The following KCNQ5 variants were observed in gnomAD, a reference collection of about 807,000 sequenced individuals.
KCNQ5 encodes the protein potassium voltage-gated channel subfamily Q member 5.
KCNQ5 carries 30 observed loss-of-function variants against 98.2 expected under a neutral mutation model. The ratio of observed to expected loss-of-function variants is 0.31; its 90% CI spans 0.23 to 0.41. The LOEUF is 0.41. Among genes scored for constraint, KCNQ5 ranks in the 10% least tolerant of loss-of-function variants. The probability of loss-of-function intolerance (pLI) is 1.00; values close to 1 mark genes in which losing one functional copy is unlikely to be tolerated. For synonymous variants in KCNQ5, 458 were observed against 449.4 expected (o/e 1.02, Z -0.24); for missense variants, 835 against 1,182.5 (o/e 0.71, Z 4.31).
intron 3 of KCNQ5, among the ~76,000 whole-genome samples, chr6:73,050,325 A>C (rs1370826077): frequency 7.0e-6 from 1 of 142,394 alleles, no homozygotes; most frequent in Admixed American, 7.0e-5. Context: ...GGAAGAAGGA[A>C]GGAAGGGAGG....
chr6:72,841,130 T>C (rs1445068081), intron 1 of KCNQ5, among the ~76,000 whole-genome samples: 1 of 152,214 alleles, frequency 6.6e-6, no homozygotes, highest in African/African-American at 2.4e-5. Context: ...CTGCCATGAC[T>C]GCAAGCTAAA....
chr6:72,899,513 T>G (rs928717324), intron 1 of KCNQ5, among the ~76,000 whole-genome samples: 1 of 152,212 alleles, frequency 6.6e-6, no homozygotes, highest in African/African-American at 2.4e-5. Flanking sequence ...TATACACACA[T>G]TCTGCACTGT....
intron 11 of KCNQ5, among the ~76,000 whole-genome samples, chr6:73,171,819 C>T (rs1454898345): frequency 6.6e-6 from 1 of 152,158 alleles, no homozygotes; most frequent in African/African-American, 2.4e-5. Context: ...ATCTGACTTG[C>T]AACAAGTATG....
At chr6:72,895,283 G>A (rs965744600) in intron 1 of KCNQ5, among the ~76,000 whole-genome samples, 2 of 148,372 alleles carry the variant, frequency 1.3e-5, no homozygotes, top group African/African-American at 5.0e-5. Flanking sequence ...AGCGAGACTC[G>A]GTCTCAAAAA....
At chr6:73,021,660 C>G (rs552525257) in intron 2 of KCNQ5, among the ~76,000 whole-genome samples, 1 of 152,274 alleles carries the variant, frequency 6.6e-6, no homozygotes, top group South Asian at 2.1e-4. Flanking sequence ...TGAGTAGATT[C>G]AGGTTTTTCT....
At chr6:73,077,565 A>T in intron 4 of KCNQ5, 68 bp downstream of exon 4, 9 of 1,477,820 alleles carry the variant, frequency 6.1e-6, no homozygotes, top group Non-Finnish European at 8.2e-6. Flanking sequence ...TGTAATAGTT[A>T]ATAAACCTGT....
At chr6:72,985,853 T>G (rs975423866) in intron 1 of KCNQ5, among the ~76,000 whole-genome samples, 1 of 152,166 alleles carries the variant, frequency 6.6e-6, no homozygotes, top group Non-Finnish European at 1.5e-5. Context: ...AAAAGACATA[T>G]GTACTCCTGT....
rs983606622 is a variant in KCNQ5 at position 72,933,504 on chromosome 6, C to T, written c.399-70404C>T. Among the ~76,000 whole-genome samples the T allele has an allele frequency of 2.6e-4, 40 of 152,134 alleles. 1 individual carries two copies. Among genetic ancestry groups the T allele is most frequent in the African/African-American group, 8.2e-4 (34 of 41,422 alleles). ...ATTTGCACCTTGCTTCTAACCATAT[C>T]GTGTTTGCTCAGTCTCTGCTCTGAG... On this transcript the variant is annotated intron_variant, in intron 1 of 13. Transcript: ENST00000370398.
intron 3 of KCNQ5, among the ~76,000 whole-genome samples, chr6:73,046,818 T>C (rs1358282307): frequency 1.3e-5 from 2 of 152,004 alleles, no homozygotes; most frequent in Non-Finnish European, 2.9e-5. Flanking sequence ...AATTTTTGCA[T>C]TTTTAGTAGA....
At chr6:72,653,653 T>C (rs1765989963) in intron 1 of KCNQ5, among the ~76,000 whole-genome samples, 1 of 152,104 alleles carries the variant, frequency 6.6e-6, no homozygotes, top group Admixed American at 6.6e-5. Context: ...AAATACTAAT[T>C]CATGTTGTTA....
chr6:72,650,393 C>T (rs1254097410), intron 1 of KCNQ5, among the ~76,000 whole-genome samples: 1 of 152,024 alleles, frequency 6.6e-6, no homozygotes, highest in Non-Finnish European at 1.5e-5. Context: ...ATTTCAAATA[C>T]CTTGAAATGT....
intron 1 of KCNQ5, among the ~76,000 whole-genome samples, chr6:72,709,170 C>A (rs1769236117): frequency 6.6e-6 from 1 of 152,116 alleles, no homozygotes. Flanking sequence ...TTTTAAGATT[C>A]TCTAAAAATG....
intron 1 of KCNQ5, among the ~76,000 whole-genome samples, chr6:72,695,166 A>C (rs1386635436): frequency 1.3e-5 from 2 of 152,146 alleles, no homozygotes; most frequent in African/African-American, 4.8e-5. Context: ...TTAGTGCTGC[A>C]TTGTACATAT....
chr6:73,000,026 G>A (rs575149129), intron 1 of KCNQ5, among the ~76,000 whole-genome samples: 17 of 152,034 alleles, frequency 1.1e-4, no homozygotes, highest in South Asian at 2.1e-4. Context: ...CTGGAGGACC[G>A]TGGACTCTAC....
At chr6:72,800,301 G>A (rs1235994549) in intron 1 of KCNQ5, among the ~76,000 whole-genome samples, 2 of 152,164 alleles carry the variant, frequency 1.3e-5, no homozygotes, top group African/African-American at 4.8e-5. Context: ...CACAATTTCA[G>A]AGCCTGTTAT....
At chr6:72,882,886 T>C (rs1778690530) in intron 1 of KCNQ5, among the ~76,000 whole-genome samples, 1 of 152,216 alleles carries the variant, frequency 6.6e-6, no homozygotes, top group Non-Finnish European at 1.5e-5. Flanking sequence ...TGCATCATCA[T>C]AAGAGCTTTA....
intron 11 of KCNQ5, among the ~76,000 whole-genome samples, chr6:73,184,326 C>T (rs1259907935): frequency 6.6e-6 from 1 of 152,164 alleles, no homozygotes; most frequent in Non-Finnish European, 1.5e-5. Flanking sequence ...CCACATGGTC[C>T]TAACTATTGA....
In KCNQ5 at chr6:73,051,478, G is replaced by A. The variant is rs926696168; in HGVS notation, c.616+9416G>A. 2.0e-5 allele frequency among the ~76,000 whole-genome samples: 3 copies of A among 152,252 alleles called. 1 individual carries two copies. On this transcript the variant is annotated intron_variant, in intron 3 of 13. Transcript: ENST00000370398. ...TGGCACCACCCATCAGAGTATTGTG[G>A]CCAGAGGTGCAGGAACACCTTAGCG...
intron 1 of KCNQ5, among the ~76,000 whole-genome samples, chr6:72,872,394 C>T (rs1393647509): frequency 6.6e-6 from 1 of 152,086 alleles, no homozygotes; most frequent in Non-Finnish European, 1.5e-5. Flanking sequence ...GGGTGTGTTG[C>T]ACATGAGGAC....
Sources: gnomAD v4.1 joint callset for allele counts (sites outside exome capture counted in the v4.1 genomes callset) on GRCh38, gnomAD v4.1.1 for gene constraint, MANE v1.5 for transcripts, NCBI Gene and HGNC (gene_info 2026-07-23, HGNC 2026-07-21) for gene names.